The following CCBE1 variants were observed in gnomAD, a reference collection of about 807,000 sequenced individuals.
CCBE1 encodes the protein collagen and calcium binding EGF domains 1.
In CCBE1, 37 loss-of-function variants were observed where a neutral mutation model predicts 50.0. That is an observed-to-expected ratio of 0.74 (90% CI 0.57 to 0.97). The LOEUF is 0.97. CCBE1 is among the 50% of genes least tolerant of loss of function. The pLI is 0.00. For missense variants in CCBE1, 538 were observed against 523.8 expected, an observed-to-expected ratio of 1.03 and a Z score of -0.26; for synonymous variants, 234 against 203.7, an observed-to-expected ratio of 1.15 and a Z score of -1.27.
At chr18:59,625,117 G>A (rs572741776) in intron 2 of CCBE1, among the ~76,000 whole-genome samples, 190 of 152,310 alleles carry the variant, frequency 1.2e-3, no homozygotes, top group African/African-American at 4.5e-3. Flanking sequence ...GACAAGGTAA[G>A]GTCAACACAG....
chr18:59,596,499 A>G (rs1257176196), intron 2 of CCBE1, among the ~76,000 whole-genome samples: 1 of 152,202 alleles, frequency 6.6e-6, no homozygotes, highest in Non-Finnish European at 1.5e-5. Context: ...CTAGGTCTAG[A>G]CTGATAAGAC....
chr18:59,460,646 C>T (rs1250445970), intron 5 of CCBE1, among the ~76,000 whole-genome samples: 3 of 152,100 alleles, frequency 2.0e-5, no homozygotes, highest in Admixed American at 6.5e-5. Context: ...AGAAATGAGG[C>T]GTGGGCCAGG....
At chr18:59,515,999 G>A (rs1043548844) in intron 2 of CCBE1, among the ~76,000 whole-genome samples, 7 of 152,138 alleles carry the variant, frequency 4.6e-5, no homozygotes, top group South Asian at 4.2e-4. Context: ...TCACTCTGTC[G>A]CCAGGCTGGA....
At position 59,697,264 on chromosome 18, in the gene CCBE1, G is replaced by A; in HGVS notation, c.79C>T (p.Leu27=). 1 of 1,549,344 alleles carries A rather than the reference G, an allele frequency of 6.5e-7. No homozygotes were observed. Among genetic ancestry groups the A allele is most frequent in the East Asian group, 2.4e-5 (1 of 40,902 alleles). The change falls in exon 1 of 11, where the codon CTG becomes TTG. Residue 27 remains leucine, a synonymous_variant. Transcript: ENST00000439986. The part of the protein sequence containing the change: ...GRSLGPLLLL[L]ALGHTWTYRE... Reference sequence around the variant, plus strand: ...TAGGTCCACGTGTGTCCCAACGCCAGGAGCAGCAGCAGCGGACCCAGGCTC... The same window carrying A: ...TAGGTCCACGTGTGTCCCAACGCCAAGAGCAGCAGCAGCGGACCCAGGCTC...
At chr18:59,598,300 C>T (rs2053384036) in intron 2 of CCBE1, among the ~76,000 whole-genome samples, 1 of 152,204 alleles carries the variant, frequency 6.6e-6, no homozygotes, top group Admixed American at 6.5e-5. Flanking sequence ...TGTTGTGATA[C>T]AGAAAGTCGC....
At chr18:59,472,721 G>A (rs1164110652) in intron 3 of CCBE1, among the ~76,000 whole-genome samples, 1 of 152,186 alleles carries the variant, frequency 6.6e-6, no homozygotes, top group African/African-American at 2.4e-5. Context: ...TTGGATTCCT[G>A]TTTCCTGGAT....
chr18:59,636,443 G>A (rs1448536046), intron 2 of CCBE1, among the ~76,000 whole-genome samples: 2 of 152,182 alleles, frequency 1.3e-5, no homozygotes, highest in Admixed American at 6.5e-5. Flanking sequence ...GGCATCTGGA[G>A]ATGAGTTCAG....
chr18:59,459,392 T>C (rs2143691400), intron 5 of CCBE1, among the ~76,000 whole-genome samples: 1 of 152,364 alleles, frequency 6.6e-6, no homozygotes, highest in South Asian at 2.1e-4. Context: ...ATATGCTACA[T>C]TAACAGTTTA....
At chr18:59,585,300 G>A (rs894788352) in intron 2 of CCBE1, among the ~76,000 whole-genome samples, 4 of 151,918 alleles carry the variant, frequency 2.6e-5, no homozygotes, top group African/African-American at 4.8e-5. Context: ...TCACCTTCAT[G>A]GCACTTCAAT....
At chr18:59,657,920 A>G (rs2054213192) in intron 2 of CCBE1, among the ~76,000 whole-genome samples, 1 of 152,180 alleles carries the variant, frequency 6.6e-6, no homozygotes, top group South Asian at 2.1e-4. Context: ...AAACAGATAC[A>G]TTAAAGGCTC....
At chr18:59,563,482 A>G (rs1321914924) in intron 2 of CCBE1, among the ~76,000 whole-genome samples, 1 of 152,216 alleles carries the variant, frequency 6.6e-6, no homozygotes, top group African/African-American at 2.4e-5. Flanking sequence ...GGAAGATAAC[A>G]TCACTATTTG....
chr18:59,567,330 C>T (rs756396161), intron 2 of CCBE1, among the ~76,000 whole-genome samples: 4 of 152,138 alleles, frequency 2.6e-5, no homozygotes, highest in Admixed American at 1.3e-4. Context: ...GATGGGGTTT[C>T]GCCATGTTGG....
intron 2 of CCBE1, among the ~76,000 whole-genome samples, chr18:59,539,962 C>T (rs940581958): frequency 4.6e-5 from 7 of 152,138 alleles, no homozygotes; most frequent in African/African-American, 1.7e-4. Context: ...ATGGAGAATT[C>T]TATTTGGTAA....
rs572913565 is a variant in CCBE1, at chr18:59,632,461, A to G, written c.212+64168T>C. On this transcript the variant is annotated intron_variant, in intron 2 of 10. Coordinates refer to ENST00000439986, the MANE Select transcript of CCBE1 (RefSeq NM_133459.4). ...GCTAATTTTTGTATTTTTAGTACAG[A>G]TGGGGTTTCACTATGTTGGCCAGGC... Among the ~76,000 whole-genome samples the G allele has an allele frequency of 5.9e-5, 9 of 152,040 alleles. No individual in the cohort carries two copies. In the South Asian group the frequency reaches 1.3e-3, roughly 21 times the overall value.
intron 2 of CCBE1, among the ~76,000 whole-genome samples, chr18:59,560,584 T>C (rs1358060953): frequency 3.3e-5 from 5 of 152,198 alleles, no homozygotes; most frequent in African/African-American, 1.2e-4. Flanking sequence ...ACCTGCACGT[T>C]CTGCACACGT....
upstream of CCBE1, chr18:59,697,701 T>G: frequency 4.6e-6 from 1 of 218,752 alleles, no homozygotes; most frequent in Non-Finnish European, 9.1e-6. Flanking sequence ...CTCTCCCTCC[T>G]CTGGGAGAAG....
chr18:59,553,936 C>T (rs1241682003), intron 2 of CCBE1, among the ~76,000 whole-genome samples: 1 of 152,200 alleles, frequency 6.6e-6, no homozygotes, highest in Non-Finnish European at 1.5e-5. Flanking sequence ...GAAGTCACTG[C>T]TGTGGACATA....
At chr18:59,688,126 A>G (rs1054046283) in intron 2 of CCBE1, 1 of 152,194 alleles carries the variant, frequency 6.6e-6, no homozygotes, top group South Asian at 2.1e-4. Flanking sequence ...CTCCAAATAT[A>G]TGCTATCATT....
intron 2 of CCBE1, among the ~76,000 whole-genome samples, chr18:59,609,858 T>C (rs1224307257): frequency 1.3e-5 from 2 of 152,246 alleles, no homozygotes; most frequent in African/African-American, 2.4e-5. Flanking sequence ...ATTGGGTAAG[T>C]ACCAGGGATA....
Sources: gnomAD v4.1 joint callset for allele counts (sites outside exome capture counted in the v4.1 genomes callset) on GRCh38, gnomAD v4.1.1 for gene constraint, MANE v1.5 for transcripts, NCBI Gene and HGNC (gene_info 2026-07-23, HGNC 2026-07-21) for gene names.